ZSCAN18: variants seen among roughly 807,000 people sequenced by gnomAD.
The protein encoded by ZSCAN18 is zinc finger and SCAN domain-containing protein 18.
Under a neutral mutation model 31.1 loss-of-function variants are expected in ZSCAN18, and 16 were observed. The ratio of observed to expected loss-of-function variants is 0.51; its 90% CI spans 0.35 to 0.78. The LOEUF (loss-of-function observed/expected upper bound fraction) is 0.78, where lower values mean the gene tolerates loss of function less well. Among genes scored for constraint, ZSCAN18 ranks in the 30% least tolerant of loss-of-function variants. ZSCAN18 has a pLI of 0.01. For missense variants in ZSCAN18, 731 were observed against 697.4 expected (o/e 1.05, Z -0.54); for synonymous variants, 375 against 320.7 (o/e 1.17, Z -1.81).
upstream of ZSCAN18, chr19:58,098,468 A>G: frequency 2.7e-6 from 2 of 740,904 alleles, no homozygotes; most frequent in Non-Finnish European, 3.3e-6. Context: ...TGACAGCCAG[A>G]GACCCGGAGA....
At chr19:58,092,790 T>TTA in intron 1 of ZSCAN18, 4 of 715,160 alleles carry the variant, frequency 5.6e-6, no homozygotes, top group Non-Finnish European at 6.8e-6. Context: ...TTTTTTTTTT[T>TTA]AAACACAGGG....
At chr19:58,108,422 T>A in intron 1 of ZSCAN18, 1 of 985,496 alleles carries the variant, frequency 1.0e-6, no homozygotes. Flanking sequence ...ACCAATTCCT[T>A]TCACAGGGCT....
At chr19:58,086,440 G>A (rs919692483) in intron 5 of ZSCAN18, 174 bp from the exon 6 acceptor site, 4 of 539,054 alleles carry the variant, frequency 7.4e-6, no homozygotes, top group African/African-American at 3.8e-5. Context: ...CAAAGAAGAA[G>A]GCGAGGCTGG....
At chr19:58,111,108 C>A (rs2074679669) in intron 1 of ZSCAN18, among the ~76,000 whole-genome samples, 1 of 151,924 alleles carries the variant, frequency 6.6e-6, no homozygotes, top group South Asian at 2.1e-4. Flanking sequence ...GCGGAGCTTG[C>A]AGTGAGCTGA....
intron 1 of ZSCAN18, among the ~76,000 whole-genome samples, chr19:58,110,180 T>C (rs116270842): frequency 6.6e-6 from 1 of 152,168 alleles, no homozygotes; most frequent in African/African-American, 2.4e-5. Context: ...ATGCCCATCC[T>C]CTAGCTGTAT....
At position 58,084,829 on chromosome 19, in the gene ZSCAN18, G is replaced by T. The variant is rs374324467; in HGVS notation, c.1389C>A (p.His463Gln). 1.3e-6 allele frequency: 2 copies of T among 1,596,158 alleles called. No individual in the cohort carries two copies. The highest frequency in any genetic ancestry group is 1.7e-5 in the Admixed American group (1 of 57,890). Reference sequence around the variant, plus strand: ...CCAGCGCGTAGCTTTTCTCCTTCTCGTGGGTCTTCTGGTGCTCGGCTAGGG... The same window carrying T: ...CCAGCGCGTAGCTTTTCTCCTTCTCTTGGGTCTTCTGGTGCTCGGCTAGGG... ...SLALAEHQKT[H>Q]EKEKSYALGG... The change falls in exon 7 of 7, where the codon CAC (histidine) becomes CAA (glutamine). Residue 463 changes from histidine to glutamine, a missense_variant. Physicochemically the swap from His to Gln is conservative, Grantham distance 24 (BLOSUM62 0). This residue lies in a region of ZSCAN18 where 597 missense variants were observed against 499.5 expected (regional missense o/e 1.20). Transcript: ENST00000601144. The surrounding 1 kb of genome is among the most constrained non-coding windows in gnomAD (Gnocchi z 4.5).
chr19:58,101,025 C>T (rs935189212), upstream of ZSCAN18, among the ~76,000 whole-genome samples: 5 of 152,104 alleles, frequency 3.3e-5, no homozygotes, highest in Admixed American at 2.0e-4. Context: ...GGTCTATTTC[C>T]GGGTTCTCGA....
At chr19:58,089,302 C>CCAA (rs2074357075) in intron 2 of ZSCAN18, among the ~76,000 whole-genome samples, 1 of 45,292 alleles carries the variant, frequency 2.2e-5, no homozygotes, top group Admixed American at 3.4e-4. Flanking sequence ...GACTCCGTCT[C>CCAA]AAAAAAAAAA....
chr19:58,110,938 G>A (rs1568645173), intron 1 of ZSCAN18, among the ~76,000 whole-genome samples: 1 of 152,146 alleles, frequency 6.6e-6, no homozygotes, highest in Non-Finnish European at 1.5e-5. Flanking sequence ...GGAGGCTGAG[G>A]CAGGTGGATC....
intron 2 of ZSCAN18, among the ~76,000 whole-genome samples, chr19:58,089,321 A>C (rs1320602554): frequency 3.1e-5 from 4 of 130,378 alleles, no homozygotes; most frequent in East Asian, 2.2e-4. Flanking sequence ...AAAAAAAAAA[A>C]AAAAAAAAAA....
In ZSCAN18 at chr19:58,085,347, C is replaced by A; in HGVS notation, c.871G>T (p.Ala291Ser). 6.3e-7 allele frequency: 1 copy of A among 1,592,432 alleles called. No individual in the cohort carries two copies. The highest frequency in any genetic ancestry group is 8.5e-7 in the Non-Finnish European group (1 of 1,177,502). The change falls in exon 7 of 7, where the codon GCC becomes TCC. Residue 291 changes from alanine (A) to serine (S), a missense_variant. Ala to Ser is a moderately conservative substitution (Grantham distance 99). Transcript: ENST00000601144. ...CCCGCGGGGGCGGCCTCCTCGCAGG[C>A]GCACCCAGCGCTCTCCTGCCGCCTC... is the stretch of plus-strand genomic sequence containing the variant. Reference protein sequence around the residue: ...GGRRQESAGCACEEAAPAGVL... With the variant: ...GGRRQESAGCSCEEAAPAGVL...
Position 58,086,266 on chromosome 19 carries a change from CCT to C in ZSCAN18, c.746-2_746-1del. ...AGCGTCAGGCTGGGAAAGCTGATAC[CCT>C]GAGTGGGGTTAAAAACCAAAGAAAT... is the stretch of plus-strand genomic sequence containing the variant. On this transcript the variant is annotated splice_acceptor_variant, in intron 5 of 6. Coordinates refer to ENST00000601144, the MANE Select transcript of ZSCAN18 (RefSeq NM_001145543.2). LOFTEE classifies it high-confidence loss of function. The C allele has an allele frequency of 1.2e-6, 2 of 1,613,366 alleles. No individual in the cohort carries two copies. The highest frequency in any genetic ancestry group is 8.5e-7 in the Non-Finnish European group (1 of 1,179,516).
At chr19:58,087,569 G>C in intron 3 of ZSCAN18, 165 bp from the exon 4 acceptor site, 1 of 626,916 alleles carries the variant, frequency 1.6e-6, no homozygotes, top group Non-Finnish European at 2.8e-6. Context: ...TTACAAAGCA[G>C]CGCGGTGGCC....
At position 58,094,226 on chromosome 19, in the gene ZSCAN18, T is replaced by G. The variant is rs188108285; in HGVS notation, c.-119-3840A>C. Among the ~76,000 whole-genome samples, 482 of 147,690 alleles carry G rather than the reference T, an allele frequency of 3.3e-3. 4 individuals carry two copies. The highest frequency in any genetic ancestry group is 0.012 in the African/African-American group (465 of 39,590). On this transcript the variant is annotated intron_variant, in intron 1 of 6. Coordinates refer to ENST00000601144, the MANE Select transcript of ZSCAN18 (RefSeq NM_001145543.2). ...TCCTGGCTAACACCGTGAAACCCCA[T>G]CTCTACTAAAAATACAAAAAAAAAA... is the stretch of plus-strand genomic sequence containing the variant.
rs752855294 is a variant in ZSCAN18, at chr19:58,084,647, G to C, written c.*38C>G. The C allele has an allele frequency of 4.9e-6, 7 of 1,434,804 alleles. No homozygotes were observed. The Admixed American group carries it at 8.3e-5, about 17-fold the overall frequency. The allele number at this position is 1,434,804 out of a possible 1,614,324, so 88.9% of individuals were successfully genotyped here. On this transcript the variant is annotated 3_prime_UTR_variant, in exon 7 of 7. Transcript: ENST00000601144. The surrounding 1 kb of genome is among the most constrained non-coding windows in gnomAD (Gnocchi z 4.5). ...AATGCCTCGTCTGGGATTCACGGCC[G>C]GCAAAGCGGCCCCTCCGGAACGGGA...
chr19:58,094,879 A>C (rs2074491410), intron 1 of ZSCAN18, among the ~76,000 whole-genome samples: 1 of 5,020 alleles, frequency 2.0e-4, no homozygotes, highest in African/African-American at 7.3e-4. Flanking sequence ...CCCTGTCGCA[A>C]AAAAAAAAAA....
chr19:58,106,366 C>T (rs994495453), intron 1 of ZSCAN18, among the ~76,000 whole-genome samples: 4 of 152,166 alleles, frequency 2.6e-5, no homozygotes, highest in African/African-American at 9.7e-5. Flanking sequence ...TGCAGCACTG[C>T]ACTCCAACCT....
Position 58,089,436 on chromosome 19 carries a change from G to A in ZSCAN18, c.403+429C>T, listed in dbSNP as rs190955065. Among the ~76,000 whole-genome samples, 781 of 150,620 alleles carry A rather than the reference G, an allele frequency of 5.2e-3. 12 individuals are homozygous for A. Among genetic ancestry groups the A allele is most frequent in the African/African-American group, 0.018 (738 of 41,006 alleles). On this transcript the variant is annotated intron_variant, in intron 2 of 6. Transcript: ENST00000601144. ...AGGTCAGGAGATTGATACCATCCTG[G>A]CCAACATGGTGAAACCCTGTCTTTA... is the stretch of plus-strand genomic sequence containing the variant.
rs1349894838 is a variant in ZSCAN18 at position 58,086,526 on chromosome 19, G to C, written c.746-260C>G. ...AAAGACATTGACAAAAATTGCTCAG[G>C]AGTCTGAGTCGGGGGGCCTCCCTAA... On this transcript the variant is annotated intron_variant, in intron 5 of 6. Transcript: ENST00000601144. 6.2e-6 allele frequency: 3 copies of C among 486,428 alleles called. No homozygotes were observed. In the Admixed American group the frequency reaches 1.1e-4, roughly 18 times the overall value. 30.1% of individuals were successfully genotyped at this position (486,428 alleles called of 1,614,324 possible). A position where few individuals can be genotyped will look rare whatever the true frequency, so the allele number is the denominator to read the frequency against.
Sources: gnomAD v4.1 joint callset for allele counts (sites outside exome capture counted in the v4.1 genomes callset) on GRCh38, gnomAD v4.1.1 for gene constraint, gnomAD v4.1.1 regional missense constraint, Gnocchi (gnomAD v3.1) non-coding constraint, MANE v1.5 for transcripts, NCBI Gene and HGNC (gene_info 2026-07-23, HGNC 2026-07-21) for gene names.